LRP1B: variants seen among roughly 807,000 people sequenced by gnomAD.
LRP1B encodes the protein low-density lipoprotein receptor-related protein 1B.
In LRP1B, 217 loss-of-function variants were observed where a neutral mutation model predicts 556.6. That is an observed-to-expected ratio of 0.39 (90% CI 0.35 to 0.44). LRP1B has a LOEUF of 0.44. Ranked by LOEUF, LRP1B falls within the 20% of genes least tolerant of loss-of-function variation. The pLI is 1.00. For missense variants in LRP1B, 5,053 were observed against 5,620.8 expected, an observed-to-expected ratio of 0.90 and a Z score of 3.23; for synonymous variants, 2,047 against 1,865.8, an observed-to-expected ratio of 1.10 and a Z score of -2.50.
chr2:140,775,932 C>G (rs1298107884), intron 33 of LRP1B, among the ~76,000 whole-genome samples, 166 bp downstream of exon 33: 1 of 152,080 alleles, frequency 6.6e-6, no homozygotes, highest in African/African-American at 2.4e-5. Context: ...CATTATGCAT[C>G]TATATTAAAG....
chr2:141,489,003 G>A (rs1005002813), intron 2 of LRP1B, among the ~76,000 whole-genome samples: 2 of 150,338 alleles, frequency 1.3e-5, no homozygotes, highest in Non-Finnish European at 3.0e-5. Flanking sequence ...TTGAGACGGG[G>A]TCTTGTTCTA....
In LRP1B at chr2:141,744,886, G is replaced by A. The variant is rs144519613; in HGVS notation, c.205+65393C>T. ...GCACTTGGGTATTGTGATCTAAGCC[G>A]TATTTGCATTAAAGCACATCTTAAG... On this transcript the variant is annotated intron_variant, in intron 2 of 90. Coordinates refer to ENST00000389484, the MANE Select transcript of LRP1B (RefSeq NM_018557.3). 6.6e-5 allele frequency among the ~76,000 whole-genome samples: 10 copies of A among 152,274 alleles called. No homozygotes were observed. In the East Asian group the frequency reaches 1.5e-3, roughly 23 times the overall value.
intron 3 of LRP1B, among the ~76,000 whole-genome samples, chr2:141,448,423 C>T (rs781212760): frequency 1.5e-4 from 23 of 152,238 alleles, no homozygotes; most frequent in South Asian, 8.3e-4. Context: ...GGGGAGTGAA[C>T]GATTCTGTCT....
chr2:141,020,738 G>C (rs77338697), intron 11 of LRP1B, among the ~76,000 whole-genome samples: 2 of 152,010 alleles, frequency 1.3e-5, no homozygotes, highest in Non-Finnish European at 1.5e-5. Flanking sequence ...GATACAGGCA[G>C]TGATAATTCA....
chr2:140,462,603 G>T (rs979494152), intron 60 of LRP1B, among the ~76,000 whole-genome samples: 6 of 152,124 alleles, frequency 3.9e-5, no homozygotes, highest in African/African-American at 1.4e-4. Context: ...TAATGTCCTT[G>T]CAATGCAATT....
intron 3 of LRP1B, among the ~76,000 whole-genome samples, chr2:141,342,598 T>A (rs747670826): frequency 1.2e-4 from 18 of 151,710 alleles, no homozygotes; most frequent in African/African-American, 4.4e-4. Context: ...ATAGCCGAAC[T>A]GAGCAAGCAG....
chr2:140,655,931 A>T (rs1368542407), intron 41 of LRP1B, among the ~76,000 whole-genome samples: 2 of 152,070 alleles, frequency 1.3e-5, no homozygotes, highest in Non-Finnish European at 2.9e-5. Flanking sequence ...AGACAGGGTG[A>T]GACTCCGTCT....
chr2:140,397,051 A>G (rs1306433912), intron 66 of LRP1B, among the ~76,000 whole-genome samples: 1 of 152,232 alleles, frequency 6.6e-6, no homozygotes, highest in Non-Finnish European at 1.5e-5. Flanking sequence ...GTGGGGTACC[A>G]GATTCCCCAT....
chr2:141,258,135 C>T (rs780337383), intron 3 of LRP1B, among the ~76,000 whole-genome samples: 2 of 152,196 alleles, frequency 1.3e-5, no homozygotes, highest in South Asian at 2.1e-4. Context: ...CATGTAAACA[C>T]GGTGTCTGAT....
intron 7 of LRP1B, among the ~76,000 whole-genome samples, chr2:141,140,959 G>A (rs1441663200): frequency 6.6e-6 from 1 of 152,084 alleles, no homozygotes; most frequent in East Asian, 1.9e-4. Context: ...ATGTTTAACT[G>A]TGCTGGTCCT....
At chr2:140,642,261 C>G (rs138899389) in intron 41 of LRP1B, among the ~76,000 whole-genome samples, 1 of 152,282 alleles carries the variant, frequency 6.6e-6, no homozygotes, top group African/African-American at 2.4e-5. Context: ...TTCCACTTAG[C>G]CTGTGCCGAG....
chr2:140,252,058 G>A (rs1573686504), intron 86 of LRP1B, among the ~76,000 whole-genome samples: 1 of 4,502 alleles, frequency 2.2e-4, no homozygotes, highest in Non-Finnish European at 3.6e-4. Flanking sequence ...AGCATGACAA[G>A]ATGCAAAAAA....
chr2:140,510,450 A>T (rs1261314039), intron 51 of LRP1B, among the ~76,000 whole-genome samples: 1 of 152,228 alleles, frequency 6.6e-6, no homozygotes, highest in African/African-American at 2.4e-5. Flanking sequence ...AGCACTTAAC[A>T]TATTAACTCA....
chr2:141,662,696 T>C (rs1305169682), intron 2 of LRP1B, among the ~76,000 whole-genome samples: 2 of 151,872 alleles, frequency 1.3e-5, no homozygotes, highest in Non-Finnish European at 2.9e-5. Flanking sequence ...CTTAGAGACC[T>C]ATAAAGAGAC....
At chr2:140,597,345 G>A (rs1449483900) in intron 43 of LRP1B, among the ~76,000 whole-genome samples, 1 of 152,116 alleles carries the variant, frequency 6.6e-6, no homozygotes, top group African/African-American at 2.4e-5. Context: ...GAATAAATGG[G>A]TGGGGAAGTG....
chr2:141,641,406 T>TA (rs1056763149), intron 2 of LRP1B, among the ~76,000 whole-genome samples: 3 of 152,020 alleles, frequency 2.0e-5, no homozygotes, highest in Non-Finnish European at 4.4e-5. Context: ...ATAATTAACT[T>TA]AAAAAAAATT....
At chr2:140,272,256 CAA>C (rs1491190299) in intron 85 of LRP1B, among the ~76,000 whole-genome samples, 3 of 76,526 alleles carry the variant, frequency 3.9e-5, no homozygotes, top group African/African-American at 8.8e-5. Flanking sequence ...TGTGCACACA[CAA>C]ACACACACAC....
At chr2:141,895,045 T>C (rs1574471535) in intron 1 of LRP1B, among the ~76,000 whole-genome samples, 1 of 93,748 alleles carries the variant, frequency 1.1e-5, no homozygotes, top group African/African-American at 4.0e-5. Flanking sequence ...TGAAACTCCA[T>C]CTCAAAAAAA....
intron 1 of LRP1B, among the ~76,000 whole-genome samples, chr2:141,991,285 C>T (rs886845397): frequency 6.6e-6 from 1 of 152,034 alleles, no homozygotes; most frequent in Non-Finnish European, 1.5e-5. Context: ...AGTGGAAAAT[C>T]TCTTCTAAAT....
Sources: gnomAD v4.1 joint callset for allele counts (sites outside exome capture counted in the v4.1 genomes callset) on GRCh38, gnomAD v4.1.1 for gene constraint, MANE v1.5 for transcripts, NCBI Gene and HGNC (gene_info 2026-07-23, HGNC 2026-07-21) for gene names.